Variants in MSI1 observed in about 807,000 individuals in gnomAD.
MSI1 encodes RNA-binding protein Musashi homolog 1.
In MSI1, 15 loss-of-function variants were observed where a neutral mutation model predicts 54.4. The observed-to-expected ratio is 0.28, with a 90% confidence interval of 0.18 to 0.42. The LOEUF (loss-of-function observed/expected upper bound fraction) is 0.42. Ranked by LOEUF, MSI1 falls within the 20% of genes least tolerant of loss-of-function variation. The pLI, the probability that MSI1 is intolerant of heterozygous loss-of-function variation, is 1.00. For synonymous variants in MSI1, 200 were observed against 196.5 expected (o/e 1.02, Z -0.15); for missense variants, 304 against 506.0 (o/e 0.60, Z 3.83).
Position 120,359,107 on chromosome 12 carries a change from C to A in MSI1, c.403-54G>T, listed in dbSNP as rs993203114. ...AGCAGATACCAGCGGAACCCACTAC[C>A]ACCAAGGAACAGGGGCTCTGGCAAC... is the stretch of plus-strand genomic sequence containing the variant. On this transcript the variant is annotated intron_variant, in intron 6 of 14. Transcript: ENST00000257552. 3.2e-5 allele frequency: 49 copies of A among 1,548,766 alleles called. No homozygotes were observed. In the African/African-American group the frequency reaches 6.4e-4, roughly 20 times the overall value.
chr12:120,353,227 C>A, intron 10 of MSI1, 72 bp downstream of exon 10: 1 of 1,466,764 alleles, frequency 6.8e-7, no homozygotes, highest in South Asian at 1.1e-5. Context: ...CCCCTAGACA[C>A]CACCCTGAGA....
rs1311127832 is a variant in MSI1, at chr12:120,359,013, C to T, written c.443G>A (p.Arg148Gln). Residue 148 changes from arginine to glutamine, a missense_variant, in exon 7 of 15, where the codon CGG becomes CAG. Coordinates refer to ENST00000257552, the MANE Select transcript of MSI1 (RefSeq NM_002442.4). ...GAGGGGGCCACACTCACCTCGGTGC[C>T]GGTTGGTGGTTTTGTCAAACATCAG... is the stretch of plus-strand genomic sequence containing the variant. ...AMLMFDKTTN[R>Q]HRGFGFVTFE... The T allele has an allele frequency of 4.5e-6, 7 of 1,565,540 alleles. No individual in the cohort carries two copies. The highest frequency in any genetic ancestry group is 1.4e-5 in the African/African-American group (1 of 73,858).
intron 9 of MSI1, among the ~76,000 whole-genome samples, chr12:120,355,154 C>G (rs536006669): frequency 6.6e-5 from 10 of 151,466 alleles, no homozygotes; most frequent in Non-Finnish European, 1.2e-4. Context: ...GCCTGTAATC[C>G]CAGCACTTTG....
intron 14 of MSI1, among the ~76,000 whole-genome samples, chr12:120,343,943 G>C (rs2238158): frequency 0.057 from 8,632 of 152,190 alleles, 376 homozygotes; most frequent in Admixed American, 0.15. Context: ...TGCAGCCTTC[G>C]CTTTCTGGGT....
chr12:120,368,814 C>T lies in MSI1; in HGVS notation c.100+19G>A, dbSNP rs1204265179. On this transcript the variant is annotated intron_variant, in intron 2 of 14. Transcript: ENST00000257552. The surrounding 1 kb of genome is among the most constrained non-coding windows in gnomAD (Gnocchi z 6.6). ...CGGGGTGCCCTGCCGGACCGGCGGG[C>T]GCTCCCGGGCTCGCTCACCCTGCGT... 2.9e-6 allele frequency: 4 copies of T among 1,400,640 alleles called. No homozygotes were observed. In the African/African-American group the frequency reaches 4.5e-5, roughly 16 times the overall value. 86.8% of individuals were successfully genotyped at this position (1,400,640 alleles called of 1,614,324 possible).
Position 120,365,914 on chromosome 12 carries a change from C to G in MSI1, c.268-1159G>C, listed in dbSNP as rs540407453. ...CTGCGGGGAATCAGATGAGATAACG[C>G]GGGTGAAAGCGGCCCTTTGTGAACT... is the stretch of plus-strand genomic sequence containing the variant. On this transcript the variant is annotated intron_variant, in intron 4 of 14. Transcript: ENST00000257552. Among the ~76,000 whole-genome samples, 4 of 152,264 alleles carry G rather than the reference C, an allele frequency of 2.6e-5. No individual in the cohort carries two copies. In the East Asian group the frequency reaches 5.8e-4, roughly 22 times the overall value.
intron 14 of MSI1, among the ~76,000 whole-genome samples, chr12:120,345,016 AAAAAT>A (rs1462761426): frequency 6.6e-6 from 1 of 152,028 alleles, no homozygotes; most frequent in Non-Finnish European, 1.5e-5. Flanking sequence ...CTCCATCTAC[AAAAAT>A]AAAATAAAAT....
chr12:120,354,436 CT>C (rs35028100), intron 9 of MSI1, among the ~76,000 whole-genome samples: 57,140 of 149,242 alleles, frequency 0.38, 12,958 homozygotes, highest in South Asian at 0.55. Context: ...TCTTTTTCCA[CT>C]TTTTTTTTTT....
Position 120,369,102 on chromosome 12 carries a change from G to T in MSI1, c.-11C>A. 2.0e-6 allele frequency: 2 copies of T among 1,011,062 alleles called. No individual in the cohort carries two copies. Among genetic ancestry groups the T allele is most frequent in the Non-Finnish European group, 2.3e-6 (2 of 851,430 alleles). The allele number at this position is 1,011,062 out of a possible 1,614,324, so 62.6% of individuals were successfully genotyped here. A position where few individuals can be genotyped will look rare whatever the true frequency, so the allele number is the denominator to read the frequency against. The stretch of plus-strand genomic sequence containing the variant: ...CGCGTCAGTCTCCATCGGGAGCCGC[G>T]GGCGGCGCGGGCAGCGGAGCGGCGG... On this transcript the variant is annotated 5_prime_UTR_variant, in exon 1 of 15. Coordinates refer to ENST00000257552, the MANE Select transcript of MSI1 (RefSeq NM_002442.4).
At position 120,359,042 on chromosome 12, in the gene MSI1, G is replaced by A. The variant is rs1451186310; in HGVS notation, c.414C>T (p.Ala138=). The A allele has an allele frequency of 1.3e-6, 2 of 1,558,850 alleles. No homozygotes were observed. Among genetic ancestry groups the A allele is most frequent in the South Asian group, 2.4e-5 (2 of 84,480 alleles). The change falls in exon 7 of 15, where the codon GCC becomes GCT. Residue 138 remains alanine, a synonymous_variant. Coordinates refer to ENST00000257552, the MANE Select transcript of MSI1 (RefSeq NM_002442.4). The part of the protein sequence containing the change: ...YFEQFGKVDD[A]MLMFDKTTNR... ...TGGTGGTTTTGTCAAACATCAGCAT[G>A]GCGTCGTCCACCTGAAACACAGCCC...
intron 14 of MSI1, 74 bp downstream of exon 14, chr12:120,345,496 G>C: frequency 7.5e-7 from 1 of 1,335,550 alleles, no homozygotes; most frequent in South Asian, 1.2e-5. Flanking sequence ...GATGGGGTCT[G>C]TGTCCCAGAT....
At chr12:120,350,954 G>A (rs1874546883) in intron 11 of MSI1, among the ~76,000 whole-genome samples, 1 of 152,192 alleles carries the variant, frequency 6.6e-6, no homozygotes, top group Non-Finnish European at 1.5e-5. Context: ...GCAAGAGTCA[G>A]CTGGCACCGA....
intron 10 of MSI1, 92 bp downstream of exon 10, chr12:120,353,207 C>G: frequency 1.6e-6 from 2 of 1,250,158 alleles, no homozygotes; most frequent in Non-Finnish European, 1.2e-6. Flanking sequence ...AGCAGACCCC[C>G]AGCCATGCAC....
chr12:120,355,884 A>C (rs1184874337), intron 9 of MSI1, among the ~76,000 whole-genome samples: 1 of 134,174 alleles, frequency 7.5e-6, no homozygotes, highest in Non-Finnish European at 1.5e-5. Context: ...CTGAATTCCC[A>C]GAGTACCTCT....
At chr12:120,352,398 G>C (rs1874695819) in intron 10 of MSI1, among the ~76,000 whole-genome samples, 1 of 152,044 alleles carries the variant, frequency 6.6e-6, no homozygotes, top group Non-Finnish European at 1.5e-5. Context: ...TGTGTTGGGG[G>C]AAGGCAGCCT....
intron 6 of MSI1, among the ~76,000 whole-genome samples, chr12:120,360,175 G>A (rs1875512749): frequency 6.6e-6 from 1 of 152,034 alleles, no homozygotes; most frequent in Admixed American, 6.6e-5. Flanking sequence ...AGTAGAGATG[G>A]GGTTTCACCA....
intron 10 of MSI1, among the ~76,000 whole-genome samples, chr12:120,352,373 T>TTG (rs372263696): frequency 0.028 from 4,182 of 150,514 alleles, 113 homozygotes; most frequent in African/African-American, 0.064. Flanking sequence ...CCTCTTCTTC[T>TTG]TGTGTGTGTG....
intron 6 of MSI1, among the ~76,000 whole-genome samples, chr12:120,361,670 C>T (rs1415405467): frequency 6.6e-6 from 1 of 151,220 alleles, no homozygotes; most frequent in African/African-American, 2.4e-5. Flanking sequence ...GCCTGAGTGG[C>T]AGCCATGGCG....
chr12:120,353,310 T>C lies in MSI1; in HGVS notation c.722A>G (p.Tyr241Cys), dbSNP rs1029848990. 9.3e-6 allele frequency: 15 copies of C among 1,613,892 alleles called. No individual in the cohort carries two copies. Among genetic ancestry groups the C allele is most frequent in the Non-Finnish European group, 1.3e-5 (15 of 1,179,974 alleles). ...TGAGCAGGACTTACCGGGGAACTGG[T>C]AGGTGTAGCCAGGGGCGAGGCCTGT... ...SYTGLAPGYT[Y>C]QFPEFRVERT... Residue 241 changes from tyrosine to cysteine, a missense_variant, in exon 10 of 15, where the codon TAC becomes TGC. Physicochemically the swap from Tyr to Cys is radical, Grantham distance 194 (BLOSUM62 -2). This residue lies in a region of MSI1 where 147 missense variants were observed against 231.5 expected (regional missense o/e 0.64). Coordinates refer to ENST00000257552, the MANE Select transcript of MSI1 (RefSeq NM_002442.4).
Sources: gnomAD v4.1 joint callset for allele counts (sites outside exome capture counted in the v4.1 genomes callset) on GRCh38, gnomAD v4.1.1 for gene constraint, gnomAD v4.1.1 regional missense constraint, Gnocchi (gnomAD v3.1) non-coding constraint, MANE v1.5 for transcripts, NCBI Gene and HGNC (gene_info 2026-07-23, HGNC 2026-07-21) for gene names.